The following PCDH9 variants were observed in gnomAD, a reference collection of about 807,000 sequenced individuals.
PCDH9 encodes protocadherin 9, also known as protocadherin-9.
PCDH9 carries 24 observed loss-of-function variants against 70.6 expected under a neutral mutation model. The observed-to-expected ratio is 0.34, with a 90% CI of 0.25 to 0.48. The LOEUF is 0.48. Ranked by LOEUF, PCDH9 falls within the 20% of genes least tolerant of loss-of-function variation. The probability of loss-of-function intolerance (pLI) is 0.99; values close to 1 mark genes in which losing one functional copy is unlikely to be tolerated. For missense variants in PCDH9, 1,281 were observed against 1,503.6 expected, an observed-to-expected ratio of 0.85 and a Z score of 2.45; for synonymous variants, 562 against 558.5, an observed-to-expected ratio of 1.01 and a Z score of -0.09.
At chr13:66,778,843 G>A (rs1464375026) in intron 3 of PCDH9, among the ~76,000 whole-genome samples, 1 of 152,138 alleles carries the variant, frequency 6.6e-6, no homozygotes, top group Non-Finnish European at 1.5e-5. Context: ...AATGTGATGA[G>A]CAGCCCCATG....
At chr13:67,164,963 C>A (rs1350880902) in intron 2 of PCDH9, among the ~76,000 whole-genome samples, 2 of 152,138 alleles carry the variant, frequency 1.3e-5, no homozygotes, top group Non-Finnish European at 2.9e-5. Context: ...TGACTATATA[C>A]CTCCATGAAA....
At chr13:67,203,812 C>T (rs1481775531) in intron 2 of PCDH9, 1 of 151,838 alleles carries the variant, frequency 6.6e-6, no homozygotes, top group African/African-American at 2.4e-5. Context: ...TATTAAAGCA[C>T]CTTTATGGAA....
intron 4 of PCDH9, among the ~76,000 whole-genome samples, chr13:66,310,086 C>T (rs2138061634): frequency 6.6e-6 from 1 of 151,896 alleles, no homozygotes; most frequent in Admixed American, 6.6e-5. Flanking sequence ...TGTTGCTTTG[C>T]ACAGTCTTTA....
In PCDH9 at chr13:66,631,019, T is replaced by C. The variant is rs553005872; in HGVS notation, c.3340+191A>G. On this transcript the variant is annotated intron_variant, in intron 4 of 4. Coordinates refer to ENST00000377865, the MANE Select transcript of PCDH9 (RefSeq NM_203487.3). The stretch of plus-strand genomic sequence containing the variant: ...TAATGGTTCATAAAATGAAGACACA[T>C]CATACAATTTAACAGCCAAAATCAT... Among the ~76,000 whole-genome samples, 3 of 152,282 alleles carry C rather than the reference T, an allele frequency of 2.0e-5. No individual in the cohort carries two copies. The East Asian group carries it at 5.8e-4, about 29-fold the overall frequency.
At chr13:66,813,262 C>T (rs1319176109) in intron 3 of PCDH9, among the ~76,000 whole-genome samples, 1 of 152,096 alleles carries the variant, frequency 6.6e-6, no homozygotes, top group African/African-American at 2.4e-5. Flanking sequence ...GTAATTCCGA[C>T]AGCAATAAAA....
rs140840857 is a variant in PCDH9 at position 66,391,883 on chromosome 13, C to CATATATATATATAT, written c.3341-86869_3341-86856dup. Among the ~76,000 whole-genome samples, 180 of 143,254 alleles carry CATATATATATATAT rather than the reference C, an allele frequency of 1.3e-3. 1 individual carries two copies. Among genetic ancestry groups the CATATATATATATAT allele is most frequent in the African/African-American group, 4.2e-3 (166 of 39,246 alleles). The allele number at this position is 143,254 out of a possible 152,430, so 94.0% of individuals were successfully genotyped here. A position where few individuals can be genotyped will look rare whatever the true frequency, so the allele number is the denominator to read the frequency against. On this transcript the variant is annotated intron_variant, in intron 4 of 4. Coordinates refer to ENST00000377865, the MANE Select transcript of PCDH9 (RefSeq NM_203487.3). ...TCTCTCTCTCTCTTTGCCATATATG[C>CATATATATATATAT]ATATATATATATATATATATATGTT...
intron 2 of PCDH9, among the ~76,000 whole-genome samples, chr13:67,031,802 T>C (rs2084912127): frequency 6.6e-6 from 1 of 152,182 alleles, no homozygotes; most frequent in Admixed American, 6.5e-5. Context: ...AGCACACTTT[T>C]ATTGGAGCAT....
chr13:67,008,074 A>T (rs61959239), intron 2 of PCDH9, among the ~76,000 whole-genome samples: 2,519 of 152,242 alleles, frequency 0.017, 32 homozygotes, highest in Non-Finnish European at 0.028. Context: ...TAAACTTAGA[A>T]TAATTTCTCA....
chr13:67,035,365 T>C (rs994105924), intron 2 of PCDH9, among the ~76,000 whole-genome samples: 1 of 152,042 alleles, frequency 6.6e-6, no homozygotes, highest in Non-Finnish European at 1.5e-5. Context: ...TTTTTATCTA[T>C]GGCATTTTAC....
At chr13:67,183,177 T>C (rs1399255655) in intron 2 of PCDH9, among the ~76,000 whole-genome samples, 1 of 152,094 alleles carries the variant, frequency 6.6e-6, no homozygotes, top group African/African-American at 2.4e-5. Flanking sequence ...AAACTAAGGA[T>C]CAGAGAGCCT....
In PCDH9 at chr13:66,982,219, C is replaced by T. The variant is rs546036771; in HGVS notation, c.3037-78614G>A. ...AGTTATCTGAGGTCTCCCTAGAAAC[C>T]GAGCGATGTCAGCCCCATGCTTGTA... On this transcript the variant is annotated intron_variant, in intron 2 of 4. Coordinates refer to ENST00000377865, the MANE Select transcript of PCDH9 (RefSeq NM_203487.3). 1.4e-3 allele frequency among the ~76,000 whole-genome samples: 208 copies of T among 152,270 alleles called. 4 individuals carry two copies. The South Asian group carries it at 0.042, about 31-fold the overall frequency.
chr13:66,433,751 T>C (rs1181835191), intron 4 of PCDH9, among the ~76,000 whole-genome samples: 1 of 151,852 alleles, frequency 6.6e-6, no homozygotes, highest in Non-Finnish European at 1.5e-5. Flanking sequence ...TTACTCTTAC[T>C]TAAGTTAGAG....
At chr13:66,966,198 C>T (rs768954312) in intron 2 of PCDH9, among the ~76,000 whole-genome samples, 1 of 152,048 alleles carries the variant, frequency 6.6e-6, no homozygotes, top group African/African-American at 2.4e-5. Flanking sequence ...TTGGGCAAGC[C>T]CCTTGGGTTT....
chr13:67,000,741 T>C (rs1486984411), intron 2 of PCDH9, among the ~76,000 whole-genome samples: 1 of 152,166 alleles, frequency 6.6e-6, no homozygotes, highest in Admixed American at 6.5e-5. Context: ...AAGAAACTAA[T>C]ACCATTCTTA....
chr13:66,474,068 ACT>A (rs1254623922), intron 4 of PCDH9, among the ~76,000 whole-genome samples: 1 of 152,182 alleles, frequency 6.6e-6, no homozygotes, highest in African/African-American at 2.4e-5. Flanking sequence ...AAGGAAATTG[ACT>A]CTGACAACAA....
rs111906283 is a variant in PCDH9, at chr13:66,690,901, A to G, written c.3139-59490T>C. 6.5e-3 allele frequency among the ~76,000 whole-genome samples: 993 copies of G among 152,336 alleles called. 13 individuals are homozygous for G. Among genetic ancestry groups the G allele is most frequent in the African/African-American group, 0.022 (933 of 41,580 alleles). On this transcript the variant is annotated intron_variant, in intron 3 of 4. Coordinates refer to ENST00000377865, the MANE Select transcript of PCDH9 (RefSeq NM_203487.3). ...CCTCTGTCCTCAACCACATCTCATG[A>G]ACTGCCAGCAGTGTCACCAGCGTAA...
chr13:66,379,122 G>T (rs1956797018), intron 4 of PCDH9, among the ~76,000 whole-genome samples: 1 of 152,208 alleles, frequency 6.6e-6, no homozygotes, highest in Non-Finnish European at 1.5e-5. Flanking sequence ...AATAAGGGCA[G>T]AAGAGTCATA....
intron 2 of PCDH9, among the ~76,000 whole-genome samples, chr13:67,027,358 T>A (rs952695697): frequency 6.6e-6 from 1 of 152,208 alleles, no homozygotes; most frequent in African/African-American, 2.4e-5. Context: ...GAAAACTGGC[T>A]AGCCATATGT....
intron 2 of PCDH9, among the ~76,000 whole-genome samples, chr13:67,040,002 A>T (rs2085081068): frequency 6.6e-6 from 1 of 152,222 alleles, no homozygotes; most frequent in Non-Finnish European, 1.5e-5. Flanking sequence ...AAAAAAGAAA[A>T]AAAAAACAAG....
Sources: gnomAD v4.1 joint callset for allele counts (sites outside exome capture counted in the v4.1 genomes callset) on GRCh38, gnomAD v4.1.1 for gene constraint, MANE v1.5 for transcripts, NCBI Gene and HGNC (gene_info 2026-07-23, HGNC 2026-07-21) for gene names.